The following AP1M1 variants were observed in gnomAD, a reference collection of about 807,000 sequenced individuals.
AP1M1 encodes the protein adaptor related protein complex 1 subunit mu 1, also known as AP-1 complex subunit mu-1.
AP1M1 carries 18 observed loss-of-function variants against 57.1 expected under a neutral mutation model. That is an observed-to-expected ratio of 0.32 (90% CI 0.22 to 0.47). The LOEUF (loss-of-function observed/expected upper bound fraction) is 0.47, where lower values mean the gene tolerates loss of function less well. Among genes scored for constraint, AP1M1 ranks in the 20% least tolerant of loss-of-function variants. The pLI is 1.00. For synonymous variants in AP1M1, 241 were observed against 237.9 expected, an observed-to-expected ratio of 1.01 and a Z score of -0.12; for missense variants, 362 against 593.5, an observed-to-expected ratio of 0.61 and a Z score of 4.05.
At position 16,203,221 on chromosome 19, in the gene AP1M1, C is replaced by T. The variant is rs2091455856; in HGVS notation, c.43-238C>T. The T allele has an allele frequency of 3.6e-6, 2 of 555,794 alleles. No homozygotes were observed. The highest frequency in any genetic ancestry group is 6.5e-6 in the Non-Finnish European group (2 of 308,732). 34.4% of individuals were successfully genotyped at this position (555,794 alleles called of 1,614,324 possible). On this transcript the variant is annotated intron_variant, in intron 1 of 11. Transcript: ENST00000291439. This position sits in a 1 kb window ranked among gnomAD's most constrained non-coding sequence, Gnocchi z 4.6. ...CTTTGCTGCAGAGTTCGCCTCTACC[C>T]TCACCCTGCGAAGAACTGCAGTGGC...
chr19:16,229,075 G>T (rs3752795), intron 9 of AP1M1, 147 bp downstream of exon 9: 716,973 of 964,830 alleles, frequency 0.74, 272,968 homozygotes, highest in Non-Finnish European at 0.79. Context: ...GGTGGACGGA[G>T]AGCTGAGGAC....
intron 9 of AP1M1, 38 bp from the exon 10 acceptor site, chr19:16,233,455 G>A (rs1285514884): frequency 1.5e-5 from 23 of 1,539,362 alleles, no homozygotes; most frequent in Middle Eastern, 1.8e-4. Flanking sequence ...AGCTGGGGCA[G>A]GGCCTAGGCC....
Position 16,228,745 on chromosome 19 carries a change from C to G in AP1M1, c.889-25C>G. ...CAGCTCACCTTGGCCTCCATAACCC[C>G]GGGCCGCATTGGCCTGGCCTGCAGG... On this transcript the variant is annotated intron_variant, in intron 8 of 11. Transcript: ENST00000291439. This position sits in a 1 kb window ranked among gnomAD's most constrained non-coding sequence, Gnocchi z 5.0. 2 of 1,612,564 alleles carry G rather than the reference C, an allele frequency of 1.2e-6. No homozygotes were observed. The highest frequency in any genetic ancestry group is 2.2e-5 in the South Asian group (2 of 91,044).
intron 5 of AP1M1, among the ~76,000 whole-genome samples, chr19:16,211,858 A>G (rs991364713): frequency 2.6e-5 from 4 of 152,262 alleles, no homozygotes; most frequent in East Asian, 1.9e-4. Flanking sequence ...TGAGATGATC[A>G]TGTAGTTTCT....
intron 9 of AP1M1, 30 bp from the exon 10 acceptor site, chr19:16,233,463 G>T: frequency 6.4e-7 from 1 of 1,569,506 alleles, no homozygotes; most frequent in Non-Finnish European, 8.6e-7. Flanking sequence ...CAGGGCCTAG[G>T]CCTGAGCGCC....
rs1198802708 is a variant in AP1M1, at chr19:16,243,465, G to A, written c.*9030G>A. On this transcript the variant is annotated 3_prime_UTR_variant, in exon 12 of 12. Coordinates refer to ENST00000291439, the MANE Select transcript of AP1M1 (RefSeq NM_032493.4). ...TTTTTTTTTTTGTATTTTTAGTAGA[G>A]ATGGAGTTTTGCCATGTTGCCCAGG... The A allele has an allele frequency of 7.2e-6, 1 of 139,596 alleles. No homozygotes were observed. Among genetic ancestry groups the A allele is most frequent in the Non-Finnish European group, 1.6e-5 (1 of 64,442 alleles). 8.6% of individuals were successfully genotyped at this position (139,596 alleles called of 1,614,324 possible).
chr19:16,210,800 T>C (rs1284086358), intron 5 of AP1M1, among the ~76,000 whole-genome samples: 3 of 152,076 alleles, frequency 2.0e-5, no homozygotes, highest in African/African-American at 7.2e-5. Flanking sequence ...CCTCAGATGA[T>C]CCACCCGCCT....
Position 16,228,970 on chromosome 19 carries a change from T to G in AP1M1, c.1047+42T>G, listed in dbSNP as rs1169903206. The G allele has an allele frequency of 6.3e-7, 1 of 1,599,582 alleles. No individual in the cohort carries two copies. Among genetic ancestry groups the G allele is most frequent in the South Asian group, 1.1e-5 (1 of 90,408 alleles). On this transcript the variant is annotated intron_variant, in intron 9 of 11. Coordinates refer to ENST00000291439, the MANE Select transcript of AP1M1 (RefSeq NM_032493.4). This position sits in a 1 kb window ranked among gnomAD's most constrained non-coding sequence, Gnocchi z 5.0. ...GACATCCACGTGCCCCCTGCGCCTG[T>G]CTCTGCAAGGCAGCCTGGGTGCCTC...
rs2091497095 is a variant in AP1M1, at chr19:16,212,128, G to T, written c.546+2951G>T. On this transcript the variant is annotated intron_variant, in intron 5 of 11. Coordinates refer to ENST00000291439, the MANE Select transcript of AP1M1 (RefSeq NM_032493.4). ...TGCTGGCCTCATAGAATGAGTAGGG[G>T]AGGAGTCCCTCCTCCTCCGTTTTTT... 2.0e-5 allele frequency among the ~76,000 whole-genome samples: 3 copies of T among 152,152 alleles called. No homozygotes were observed. In the South Asian group the frequency reaches 6.2e-4, roughly 32 times the overall value.
rs545866308 is a variant in AP1M1 at position 16,207,660 on chromosome 19, G to T, written c.268-359G>T. Among the ~76,000 whole-genome samples, 17 of 152,176 alleles carry T rather than the reference G, an allele frequency of 1.1e-4. No homozygotes were observed. The highest frequency in any genetic ancestry group is 2.0e-4 in the Admixed American group (3 of 15,274). On this transcript the variant is annotated intron_variant, in intron 3 of 11. Transcript: ENST00000291439. The surrounding 1 kb of genome is among the most constrained non-coding windows in gnomAD (Gnocchi z 4.2). Reference sequence around the variant, plus strand: ...AGCTTTCCACTGAAATGGGGAAGATGGCAGCTCATCAGGTCCTTGCCTGAG... The same window carrying T: ...AGCTTTCCACTGAAATGGGGAAGATTGCAGCTCATCAGGTCCTTGCCTGAG...
At chr19:16,219,159 TTGTTAATATGG>T (rs2091531561) in intron 5 of AP1M1, among the ~76,000 whole-genome samples, 1 of 152,006 alleles carries the variant, frequency 6.6e-6, no homozygotes, top group Non-Finnish European at 1.5e-5. Context: ...CTTCTTTTGG[TTGTTAATATGG>T]TGTATTCCAC....
intron 9 of AP1M1, among the ~76,000 whole-genome samples, chr19:16,231,187 C>T (rs1484487597): frequency 1.3e-5 from 2 of 148,736 alleles, no homozygotes; most frequent in Non-Finnish European, 3.0e-5. Context: ...ACTCGGGAGG[C>T]TGAGGTGGGA....
At position 16,227,758 on chromosome 19, in the gene AP1M1, G is replaced by T. The variant is rs1356346338; in HGVS notation, c.816+68G>T. On this transcript the variant is annotated intron_variant, in intron 7 of 11. Coordinates refer to ENST00000291439, the MANE Select transcript of AP1M1 (RefSeq NM_032493.4). This position sits in a 1 kb window ranked among gnomAD's most constrained non-coding sequence, Gnocchi z 6.2. ...CTCCCCTTCACCTCCAGGAGGTGAA[G>T]CCCAGGCAGGCGCCAGGGCCAGCCC... The T allele has an allele frequency of 6.4e-7, 1 of 1,565,902 alleles. No individual in the cohort carries two copies. The highest frequency in any genetic ancestry group is 1.1e-5 in the South Asian group (1 of 87,506).
chr19:16,197,975 T>TCGCTGCCGCCGCCCCCGCCCTCGGC lies in AP1M1; in HGVS notation c.-39_-38insCCCGCCCTCGGCCGCTGCCGCCGCC. 6.9e-7 allele frequency: 1 copy of TCGCTGCCGCCGCCCCCGCCCTCGGC among 1,451,818 alleles called. No homozygotes were observed. The highest frequency in any genetic ancestry group is 9.2e-7 in the Non-Finnish European group (1 of 1,087,932). 89.9% of individuals were successfully genotyped at this position (1,451,818 alleles called of 1,614,324 possible). ...GCTCAACGCCCAGCAGTCCCCACCGTCGCTGCCGCCGCCACCGCCCTCGGC... is the reference window on the plus strand; with the variant it reads ...GCTCAACGCCCAGCAGTCCCCACCGTCGCTGCCGCCGCCCCCGCCCTCGGCCGCTGCCGCCGCCACCGCCCTCGGC... On this transcript the variant is annotated 5_prime_UTR_variant, in exon 1 of 12. Transcript: ENST00000291439.
In AP1M1 at chr19:16,203,341, G is replaced by A; in HGVS notation, c.43-118G>A. 2.0e-6 allele frequency: 2 copies of A among 998,562 alleles called. No individual in the cohort carries two copies. Among genetic ancestry groups the A allele is most frequent in the Non-Finnish European group, 3.0e-6 (2 of 659,404 alleles). The allele number at this position is 998,562 out of a possible 1,614,324, so 61.9% of individuals were successfully genotyped here. On this transcript the variant is annotated intron_variant, in intron 1 of 11. Transcript: ENST00000291439. The surrounding 1 kb of genome is among the most constrained non-coding windows in gnomAD (Gnocchi z 4.6). ...CTCAAGTCCTGCTCTTTTGCGGATA[G>A]TGGCCATGACCGGAGTCCCCAGAGC...
In AP1M1 at chr19:16,241,595, G is replaced by T. The variant is rs1440535586; in HGVS notation, c.*7160G>T. ...GGGAGGAGATTCGGCTAAAGTCCAC[G>T]AGGGCCACGTATTTATATATAATTT... On this transcript the variant is annotated 3_prime_UTR_variant, in exon 12 of 12. Coordinates refer to ENST00000291439, the MANE Select transcript of AP1M1 (RefSeq NM_032493.4). 2 of 152,136 alleles carry T rather than the reference G, an allele frequency of 1.3e-5. No homozygotes were observed. The highest frequency in any genetic ancestry group is 2.9e-5 in the Non-Finnish European group (2 of 68,032). The allele number at this position is 152,136 out of a possible 1,614,324, so 9.4% of individuals were successfully genotyped here.
intron 1 of AP1M1, among the ~76,000 whole-genome samples, chr19:16,198,514 G>T (rs1377005163): frequency 6.6e-6 from 1 of 152,204 alleles, no homozygotes; most frequent in African/African-American, 2.4e-5. Flanking sequence ...TACAGCTTCT[G>T]TTTATCGTGC....
chr19:16,204,940 C>T (rs903697069), intron 2 of AP1M1, among the ~76,000 whole-genome samples: 1 of 105,740 alleles, frequency 9.5e-6, no homozygotes, highest in African/African-American at 2.6e-5. Context: ...GCGCTATTCT[C>T]CTGCCTCAGC....
rs1383466496 is a variant in AP1M1, at chr19:16,245,082, G to C, written c.*10647G>C. The C allele has an allele frequency of 6.7e-6, 1 of 149,614 alleles. No homozygotes were observed. The highest frequency in any genetic ancestry group is 1.5e-5 in the Non-Finnish European group (1 of 67,442). 9.3% of individuals were successfully genotyped at this position (149,614 alleles called of 1,614,324 possible). On this transcript the variant is annotated 3_prime_UTR_variant, in exon 12 of 12. Coordinates refer to ENST00000291439, the MANE Select transcript of AP1M1 (RefSeq NM_032493.4). ...TGCCTAACTTTGTATTTTTGGTAGA[G>C]GCGGGGTTTCTCCATGTTGGTCAGG...
Sources: gnomAD v4.1 joint callset for allele counts (sites outside exome capture counted in the v4.1 genomes callset) on GRCh38, gnomAD v4.1.1 for gene constraint, Gnocchi (gnomAD v3.1) non-coding constraint, MANE v1.5 for transcripts, NCBI Gene and HGNC (gene_info 2026-07-23, HGNC 2026-07-21) for gene names.